Variants in TMEM94 observed in about 807,000 individuals in gnomAD.
The protein encoded by TMEM94 is ER Mg2+ ATPase.
TMEM94 carries 81 observed loss-of-function variants against 158.6 expected under a neutral mutation model. That is an observed-to-expected ratio of 0.51 (90% CI 0.43 to 0.61). The LOEUF is 0.61. Among genes scored for constraint, TMEM94 ranks in the 20% least tolerant of loss-of-function variants. The probability of loss-of-function intolerance (pLI) is 0.00; values close to 1 mark genes in which losing one functional copy is unlikely to be tolerated. For synonymous variants in TMEM94, 751 were observed against 730.7 expected (o/e 1.03, Z -0.45); for missense variants, 1,435 against 1,762.0 (o/e 0.81, Z 3.32).
chr17:75,468,428 G>A (rs536823372), intron 1 of TMEM94, among the ~76,000 whole-genome samples: 3 of 152,310 alleles, frequency 2.0e-5, no homozygotes, highest in South Asian at 2.1e-4. Flanking sequence ...GTGTGGCAAC[G>A]ATCTCATCCA....
At position 75,490,731 on chromosome 17, in the gene TMEM94, C is replaced by T. The variant is rs367791097; in HGVS notation, c.1101C>T (p.Ser367=). 2 of 1,613,996 alleles carry T rather than the reference C, an allele frequency of 1.2e-6. No homozygotes were observed. The highest frequency in any genetic ancestry group is 1.7e-6 in the Non-Finnish European group (2 of 1,179,974). The change falls in exon 11 of 32, where the codon AGC becomes AGT. Residue 367 remains serine (S), a synonymous_variant. Coordinates refer to ENST00000314256, the MANE Select transcript of TMEM94 (RefSeq NM_014738.6). ...LLAKFSEDTL[S]SYTEAVSSQE... ...CTAAGTTCTCAGAGGATACTCTCAG[C>T]AGCTATACGGAGGCTGTCTCCTCTC...
Position 75,495,548 on chromosome 17 carries a change from A to G in TMEM94, c.2849A>G (p.Lys950Arg). The G allele has an allele frequency of 1.2e-6, 2 of 1,613,468 alleles. No individual in the cohort carries two copies. The highest frequency in any genetic ancestry group is 1.3e-5 in the African/African-American group (1 of 75,028). Reference protein sequence around the residue: ...PSFLEDSNRAKLPRGIHQVRP... With the variant: ...PSFLEDSNRARLPRGIHQVRP... ...TGGCATCTCTGCTTTCTCCAGGCCA[A>G]GCTGCCCCGGGGTATCCACCAAGTG... Residue 950 changes from lysine (K) to arginine (R), a missense_variant, in exon 22 of 32, where the codon AAG becomes AGG. This residue lies in a region of TMEM94 where 1,051 missense variants were observed against 1,254.4 expected (regional missense o/e 0.84). Transcript: ENST00000314256. The surrounding 1 kb of genome is among the most constrained non-coding windows in gnomAD (Gnocchi z 5.6).
chr17:75,470,112 G>A lies in TMEM94; in HGVS notation c.-106-1688G>A, dbSNP rs138639890. Among the ~76,000 whole-genome samples the A allele has an allele frequency of 9.2e-3, 1,407 of 152,248 alleles. 19 individuals are homozygous for A. Among genetic ancestry groups the A allele is most frequent in the Middle Eastern group, 0.031 (9 of 294 alleles). On this transcript the variant is annotated intron_variant, in intron 1 of 31. Coordinates refer to ENST00000314256, the MANE Select transcript of TMEM94 (RefSeq NM_014738.6). ...CAATAAACCAAGGCTTTTCCTGCAT[G>A]CTGTAATTCAGTGATAAACAGAGTA... is the stretch of plus-strand genomic sequence containing the variant.
chr17:75,482,423 G>A (rs2051236072), intron 2 of TMEM94, among the ~76,000 whole-genome samples: 2 of 151,882 alleles, frequency 1.3e-5, no homozygotes, highest in East Asian at 1.9e-4. Context: ...CAGGAAGATC[G>A]CTGGAGCCTG....
chr17:75,481,291 G>A (rs1003201090), intron 2 of TMEM94, among the ~76,000 whole-genome samples: 5 of 152,266 alleles, frequency 3.3e-5, no homozygotes, highest in African/African-American at 1.2e-4. Context: ...GGTCCCCGCC[G>A]GGAGGGCCAT....
chr17:75,462,689 T>A (rs2050118455), intron 1 of TMEM94, among the ~76,000 whole-genome samples: 1 of 150,406 alleles, frequency 6.6e-6, no homozygotes, highest in African/African-American at 2.4e-5. Flanking sequence ...TTAAAAAAAA[T>A]TAAAAATATA....
intron 2 of TMEM94, 22 bp downstream of exon 2, chr17:75,471,951 T>G: frequency 6.2e-7 from 1 of 1,609,256 alleles, no homozygotes; most frequent in Non-Finnish European, 8.5e-7. Flanking sequence ...CCTATTACCT[T>G]ATAGGTATTG....
rs372009990 is a variant in TMEM94 at position 75,485,950 on chromosome 17, T to C, written c.224T>C (p.Leu75Pro). 7 of 1,613,498 alleles carry C rather than the reference T, an allele frequency of 4.3e-6. No individual in the cohort carries two copies. Among genetic ancestry groups the C allele is most frequent in the Non-Finnish European group, 5.9e-6 (7 of 1,179,926 alleles). ...FHWPGASLML[L>P]AVLLLLGCCG... ...TGGCCGGGGGCCTCACTCATGCTAC[T>C]GGCCGTGCTGCTGCTGCTGGGCTGC... is the stretch of plus-strand genomic sequence containing the variant. The change falls in exon 4 of 32, where the codon CTG (leucine) becomes CCG (proline). Residue 75 changes from leucine to proline, a missense_variant. Around this residue, in one of 3 missense-constraint regions of TMEM94, gnomAD observed 1,051 missense variants for 1,254.4 expected, o/e 0.84. Transcript: ENST00000314256. This position sits in a 1 kb window ranked among gnomAD's most constrained non-coding sequence, Gnocchi z 5.5.
Position 75,488,951 on chromosome 17 carries a change from CT to C in TMEM94, c.764+42del. On this transcript the variant is annotated intron_variant, in intron 7 of 31. Coordinates refer to ENST00000314256, the MANE Select transcript of TMEM94 (RefSeq NM_014738.6). ...CGCCTCCTCCTGTCCCTGGTGTCTT[CT>C]GTGAAGAGGGGAATGGGACTGACAA... 4 of 1,527,550 alleles carry C rather than the reference CT, an allele frequency of 2.6e-6. No homozygotes were observed. In the South Asian group the frequency reaches 5.2e-5, roughly 20 times the overall value. The allele number at this position is 1,527,550 out of a possible 1,614,324, so 94.6% of individuals were successfully genotyped here. A position where few individuals can be genotyped will look rare whatever the true frequency, so the allele number is the denominator to read the frequency against.
In TMEM94 at chr17:75,491,722, C is replaced by T; in HGVS notation, c.1418C>T (p.Ser473Phe). The change falls in exon 14 of 32, where the codon TCC (serine) becomes TTC (phenylalanine). Residue 473 changes from serine (S) to phenylalanine (F), a missense_variant. By Grantham distance (155) the Ser-to-Phe change is radical (BLOSUM62 -2). Around this residue, in one of 3 missense-constraint regions of TMEM94, gnomAD observed 1,051 missense variants for 1,254.4 expected, o/e 0.84. Coordinates refer to ENST00000314256, the MANE Select transcript of TMEM94 (RefSeq NM_014738.6). The surrounding 1 kb of genome is among the most constrained non-coding windows in gnomAD (Gnocchi z 5.1). ...PHERDALLAG[S>F]LNNTLHLSNE... ...GAACGAGACGCCCTCCTGGCTGGCTCCCTGAACAACACCCTGCACCTTTCC... is the reference window on the plus strand; with the variant it reads ...GAACGAGACGCCCTCCTGGCTGGCTTCCTGAACAACACCCTGCACCTTTCC... 6.2e-7 allele frequency: 1 copy of T among 1,614,074 alleles called. No individual in the cohort carries two copies. The highest frequency in any genetic ancestry group is 8.5e-7 in the Non-Finnish European group (1 of 1,180,028).
In TMEM94 at chr17:75,486,441, A is replaced by T; in HGVS notation, c.409+15A>T. 1 of 1,614,170 alleles carries T rather than the reference A, an allele frequency of 6.2e-7. No homozygotes were observed. The highest frequency in any genetic ancestry group is 8.5e-7 in the Non-Finnish European group (1 of 1,180,000). The stretch of plus-strand genomic sequence containing the variant: ...CCAAATCCAAGGTGAGGTCAAGGGC[A>T]GGCATATTGGTGGGAAAAGATGACC... On this transcript the variant is annotated intron_variant, in intron 5 of 31. Transcript: ENST00000314256.
intron 6 of TMEM94, 90 bp from the exon 7 acceptor site, chr17:75,488,669 C>G (rs926354874): frequency 4.0e-6 from 6 of 1,498,862 alleles, no homozygotes; most frequent in African/African-American, 1.4e-5. Context: ...CTCCTAACCC[C>G]AGCGAATGTC....
chr17:75,463,125 T>TAC (rs1555620607), intron 1 of TMEM94, among the ~76,000 whole-genome samples: 8 of 5,694 alleles, frequency 1.4e-3, no homozygotes, highest in Non-Finnish European at 8.8e-3. Flanking sequence ...TGTATATATA[T>TAC]ACGTGTATAT....
intron 1 of TMEM94, among the ~76,000 whole-genome samples, chr17:75,471,443 C>T (rs186728260): frequency 3.6e-4 from 55 of 151,978 alleles, no homozygotes; most frequent in African/African-American, 1.2e-3. Context: ...TACTTTTCCG[C>T]GTACCATACT....
At position 75,490,173 on chromosome 17, in the gene TMEM94, C is replaced by G. The variant is rs1254405613; in HGVS notation, c.955-61C>G. 2.7e-5 allele frequency: 43 copies of G among 1,587,204 alleles called. No individual in the cohort carries two copies. In the East Asian group the frequency reaches 6.3e-4, roughly 23 times the overall value. The stretch of plus-strand genomic sequence containing the variant: ...TGGCCGTGGGGCCAGGGCAGCCCTT[C>G]CCTTCCCTCCTCCCCAGGCCCGGAG... On this transcript the variant is annotated intron_variant, in intron 9 of 31. Coordinates refer to ENST00000314256, the MANE Select transcript of TMEM94 (RefSeq NM_014738.6).
intron 10 of TMEM94, 60 bp downstream of exon 10, chr17:75,490,410 G>C: frequency 6.4e-7 from 1 of 1,567,772 alleles, no homozygotes; most frequent in Non-Finnish European, 8.7e-7. Flanking sequence ...AGCTGGCTGT[G>C]CCAGAGGACG....
At chr17:75,459,977 G>A (rs1206872586) in intron 1 of TMEM94, among the ~76,000 whole-genome samples, 3 of 152,150 alleles carry the variant, frequency 2.0e-5, no homozygotes, top group Non-Finnish European at 2.9e-5. Flanking sequence ...GAGCAGACCC[G>A]CCAGCCAGAA....
Position 75,491,083 on chromosome 17 carries a change from G to C in TMEM94, c.1163G>C (p.Arg388Thr). ...CGCTGCATTTGGGGCCACTTCCTGA[G>C]GGTGCTCGGGGGGACATCGCCAACG... Reference protein sequence around the residue: ...MLRCIWGHFLRVLGGTSPTLS... With the variant: ...MLRCIWGHFLTVLGGTSPTLS... The change falls in exon 12 of 32, where the codon AGG becomes ACG. Residue 388 changes from arginine to threonine, a missense_variant. Arg to Thr is a moderately conservative substitution (Grantham distance 71). Coordinates refer to ENST00000314256, the MANE Select transcript of TMEM94 (RefSeq NM_014738.6). The surrounding 1 kb of genome is among the most constrained non-coding windows in gnomAD (Gnocchi z 5.1). The C allele has an allele frequency of 6.2e-7, 1 of 1,613,440 alleles. No individual in the cohort carries two copies. Among genetic ancestry groups the C allele is most frequent in the Non-Finnish European group, 8.5e-7 (1 of 1,179,698 alleles).
intron 1 of TMEM94, among the ~76,000 whole-genome samples, chr17:75,467,520 C>CTTTTTTTTTTTT (rs947595391): frequency 2.5e-3 from 249 of 99,136 alleles, no homozygotes; most frequent in African/African-American, 3.2e-3. Flanking sequence ...ATTTCTTTTT[C>CTTTTTTTTTTTT]TTTTTTTTTT....
Sources: gnomAD v4.1 joint callset for allele counts (sites outside exome capture counted in the v4.1 genomes callset) on GRCh38, gnomAD v4.1.1 for gene constraint, gnomAD v4.1.1 regional missense constraint, Gnocchi (gnomAD v3.1) non-coding constraint, MANE v1.5 for transcripts, NCBI Gene and HGNC (gene_info 2026-07-23, HGNC 2026-07-21) for gene names.